PPT2: variants seen among roughly 807,000 people sequenced by gnomAD.
The protein encoded by PPT2 is palmitoyl-protein thioesterase 2.
In PPT2, 20 loss-of-function variants were observed where a neutral mutation model predicts 37.3. That is an observed-to-expected ratio of 0.54 (90% CI 0.38 to 0.78). The LOEUF is 0.78. PPT2 is among the 30% of genes least tolerant of loss of function. The pLI, the probability that PPT2 is intolerant of heterozygous loss-of-function variation, is 0.00. For missense variants in PPT2, 270 were observed against 389.8 expected, an observed-to-expected ratio of 0.69 and a Z score of 2.59; for synonymous variants, 135 against 159.1, an observed-to-expected ratio of 0.85 and a Z score of 1.14.
rs770262365 is a variant in PPT2 at position 32,162,545 on chromosome 6, C to T, written c.711-23C>T. 8.8e-6 allele frequency: 14 copies of T among 1,596,494 alleles called. No homozygotes were observed. The Admixed American group carries it at 1.8e-4, about 21-fold the overall frequency. ...AGATTTTCTCCAGCTCTTCTGATAA[C>T]CTCCCCCCAAATCTCTTTGTAGCTT... On this transcript the variant is annotated intron_variant, in intron 7 of 8. Coordinates refer to ENST00000324816, the MANE Select transcript of PPT2 (RefSeq NM_005155.7). The surrounding 1 kb of genome is among the most constrained non-coding windows in gnomAD (Gnocchi z 5.5).
rs1051269666 is a variant in PPT2, at chr6:32,161,237, T to A, written c.711-1331T>A. On this transcript the variant is annotated intron_variant, in intron 7 of 8. Transcript: ENST00000324816. ...ACAGAAAAAAATATACAGTGGAAGA[T>A]CCAAATCAGGATCTTGAGTTGCATG... is the stretch of plus-strand genomic sequence containing the variant. 1.6e-4 allele frequency among the ~76,000 whole-genome samples: 24 copies of A among 152,280 alleles called. 1 individual carries two copies. The highest frequency in any genetic ancestry group is 1.6e-3 in the Admixed American group (24 of 15,282).
In PPT2 at chr6:32,162,038, G is replaced by C. The variant is rs1364178559; in HGVS notation, c.711-530G>C. ...CGGCCAGTAATGCATTTTTGATGGG[G>C]TTTCTACAGAAGTGAGGTCGTATCT... On this transcript the variant is annotated intron_variant, in intron 7 of 8. Transcript: ENST00000324816. The surrounding 1 kb of genome is among the most constrained non-coding windows in gnomAD (Gnocchi z 5.5). 1.3e-5 allele frequency among the ~76,000 whole-genome samples: 2 copies of C among 152,054 alleles called. No homozygotes were observed. Among genetic ancestry groups the C allele is most frequent in the African/African-American group, 4.8e-5 (2 of 41,380 alleles).
chr6:32,162,553 C>A lies in PPT2; in HGVS notation c.711-15C>A, dbSNP rs184940782. ...TCCAGCTCTTCTGATAACCTCCCCC[C>A]AAATCTCTTTGTAGCTTCTTTGGTT... On this transcript the variant is annotated splice_polypyrimidine_tract_variant and intron_variant, in intron 7 of 8. Coordinates refer to ENST00000324816, the MANE Select transcript of PPT2 (RefSeq NM_005155.7). This position sits in a 1 kb window ranked among gnomAD's most constrained non-coding sequence, Gnocchi z 5.5. The A allele has an allele frequency of 1.6e-4, 264 of 1,604,350 alleles. No homozygotes were observed. In the Middle Eastern group the frequency reaches 1.7e-3, roughly 10 times the overall value.
chr6:32,153,910 G>A, upstream of PPT2: 1 of 1,324,004 alleles, frequency 7.6e-7, no homozygotes, highest in Non-Finnish European at 9.9e-7. The surrounding 1 kb of genome is among the most constrained non-coding windows in gnomAD (Gnocchi z 4.4). Flanking sequence ...GAAGCCTGGA[G>A]AGGCCTTCTT....
rs1783700040 is a variant in PPT2, at chr6:32,155,404, A to G, written c.337+221A>G. Among the ~76,000 whole-genome samples the G allele has an allele frequency of 6.6e-6, 1 of 152,010 alleles. No homozygotes were observed. Reference sequence around the variant, plus strand: ...GCTGCCCTTTTGCTTCCTGTTACCCATGGTTCTTGGACATAAGGGCTAATG... The same window carrying G: ...GCTGCCCTTTTGCTTCCTGTTACCCGTGGTTCTTGGACATAAGGGCTAATG... On this transcript the variant is annotated intron_variant, in intron 3 of 8. Coordinates refer to ENST00000324816, the MANE Select transcript of PPT2 (RefSeq NM_005155.7). The surrounding 1 kb of genome is among the most constrained non-coding windows in gnomAD (Gnocchi z 4.3).
Position 32,155,147 on chromosome 6 carries a change from G to T in PPT2, c.301G>T (p.Ala101Ser). The change falls in exon 3 of 9, where the codon GCC becomes TCC. Residue 101 changes from alanine to serine, a missense_variant. Coordinates refer to ENST00000324816, the MANE Select transcript of PPT2 (RefSeq NM_005155.7). This position sits in a 1 kb window ranked among gnomAD's most constrained non-coding sequence, Gnocchi z 4.3. The stretch of plus-strand genomic sequence containing the variant: ...GGCTGTGGTCCCCATCATGGCAAAG[G>T]CCCCTCAAGGGGTGCATCTCATCTG... Reference protein sequence around the residue: ...REAVVPIMAKAPQGVHLICYS... With the variant: ...REAVVPIMAKSPQGVHLICYS... 1 of 1,613,058 alleles carries T rather than the reference G, an allele frequency of 6.2e-7. No homozygotes were observed. Among genetic ancestry groups the T allele is most frequent in the Non-Finnish European group, 8.5e-7 (1 of 1,179,986 alleles).
intron 7 of PPT2, among the ~76,000 whole-genome samples, chr6:32,161,358 C>T (rs887183476): frequency 6.6e-6 from 1 of 152,074 alleles, no homozygotes; most frequent in African/African-American, 2.4e-5. Flanking sequence ...TGGCAAATCT[C>T]GGCCCACTGC....
Position 32,155,294 on chromosome 6 carries a change from C to A in PPT2, c.337+111C>A. ...TGAACCACATTGCTCCAGGCACAAC[C>A]CTGGTACCTGAGCCCTTCCTTTCTG... On this transcript the variant is annotated intron_variant, in intron 3 of 8. Transcript: ENST00000324816. The surrounding 1 kb of genome is among the most constrained non-coding windows in gnomAD (Gnocchi z 4.3). The A allele has an allele frequency of 7.8e-7, 1 of 1,277,814 alleles. No individual in the cohort carries two copies. The highest frequency in any genetic ancestry group is 1.1e-6 in the Non-Finnish European group (1 of 915,250). The allele number at this position is 1,277,814 out of a possible 1,614,324, so 79.2% of individuals were successfully genotyped here.
Position 32,155,631 on chromosome 6 carries a change from G to T in PPT2, c.338-57G>T. 1 of 1,224,388 alleles carries T rather than the reference G, an allele frequency of 8.2e-7. No homozygotes were observed. The highest frequency in any genetic ancestry group is 1.2e-6 in the Non-Finnish European group (1 of 830,562). 75.8% of individuals were successfully genotyped at this position (1,224,388 alleles called of 1,614,324 possible). ...GTGTGTGTGTGTGGTGGGGGTGGGGGGTGCTGCTGGCTTTGCTGTCCTTAA... is the reference window on the plus strand; with the variant it reads ...GTGTGTGTGTGTGGTGGGGGTGGGGTGTGCTGCTGGCTTTGCTGTCCTTAA... On this transcript the variant is annotated intron_variant, in intron 3 of 8. Coordinates refer to ENST00000324816, the MANE Select transcript of PPT2 (RefSeq NM_005155.7). The surrounding 1 kb of genome is among the most constrained non-coding windows in gnomAD (Gnocchi z 4.3).
chr6:32,158,871 T>C (rs1281510884), intron 7 of PPT2, among the ~76,000 whole-genome samples: 1 of 152,096 alleles, frequency 6.6e-6, no homozygotes, highest in African/African-American at 2.4e-5. Context: ...GCATGGCTAG[T>C]GCACAAGGAG....
rs1253330249 is a variant in PPT2, at chr6:32,155,612, G to A, written c.338-76G>A. 8.6e-6 allele frequency: 8 copies of A among 931,438 alleles called. No individual in the cohort carries two copies. The highest frequency in any genetic ancestry group is 1.2e-5 in the Non-Finnish European group (7 of 569,532). 57.7% of individuals were successfully genotyped at this position (931,438 alleles called of 1,614,324 possible). ...TGTGTGTGTGTGTGTGTGTGTGTGT[G>A]TGTGTGGTGGGGGTGGGGGGTGCTG... On this transcript the variant is annotated intron_variant, in intron 3 of 8. Transcript: ENST00000324816. This position sits in a 1 kb window ranked among gnomAD's most constrained non-coding sequence, Gnocchi z 4.3.
rs1783791810 is a variant in PPT2, at chr6:32,156,154, T to C, written c.541+176T>C. Among the ~76,000 whole-genome samples, 1 of 152,096 alleles carries C rather than the reference T, an allele frequency of 6.6e-6. No individual in the cohort carries two copies. Among genetic ancestry groups the C allele is most frequent in the Non-Finnish European group, 1.5e-5 (1 of 68,000 alleles). ...CGGAGTCTTGTTCTGTTGCCCAGGC[T>C]GGAGTGCAGTGCACCATCTTGGCTC... On this transcript the variant is annotated intron_variant, in intron 5 of 8. Transcript: ENST00000324816. The surrounding 1 kb of genome is among the most constrained non-coding windows in gnomAD (Gnocchi z 4.9).
At chr6:32,159,541 G>C (rs1294645855) in intron 7 of PPT2, among the ~76,000 whole-genome samples, 1 of 148,882 alleles carries the variant, frequency 6.7e-6, no homozygotes, top group Non-Finnish European at 1.5e-5. Flanking sequence ...TTCTGAGTGA[G>C]ATGGGAAGGC....
At chr6:32,161,576 A>C (rs1784158706) in intron 7 of PPT2, among the ~76,000 whole-genome samples, 1 of 136,174 alleles carries the variant, frequency 7.3e-6, no homozygotes, top group Non-Finnish European at 1.5e-5. Flanking sequence ...GGCATGAGCC[A>C]CCACACCTGG....
In PPT2 at chr6:32,162,266, C is replaced by T. The variant is rs1313356886; in HGVS notation, c.711-302C>T. Among the ~76,000 whole-genome samples, 1 of 152,142 alleles carries T rather than the reference C, an allele frequency of 6.6e-6. No individual in the cohort carries two copies. The highest frequency in any genetic ancestry group is 1.5e-5 in the Non-Finnish European group (1 of 68,030). On this transcript the variant is annotated intron_variant, in intron 7 of 8. Transcript: ENST00000324816. The surrounding 1 kb of genome is among the most constrained non-coding windows in gnomAD (Gnocchi z 5.5). ...ATGGGGTCCCGCTCTGTCACCCAGG[C>T]TGAAGTGCAGTGGTGCGATCTCGAC...
chr6:32,157,568 T>C (rs1783877238), intron 5 of PPT2, 69 bp from the exon 6 acceptor site: 1 of 1,314,186 alleles, frequency 7.6e-7, no homozygotes, highest in East Asian at 2.3e-5. Flanking sequence ...GCAGCTTCCT[T>C]ATTGGGCTTT....
Position 32,154,272 on chromosome 6 carries a change from C to A in PPT2, c.-141C>A, listed in dbSNP as rs1232099829. 1.5e-5 allele frequency: 20 copies of A among 1,311,744 alleles called. No homozygotes were observed. The highest frequency in any genetic ancestry group is 1.8e-5 in the Non-Finnish European group (19 of 1,031,846). 81.3% of individuals were successfully genotyped at this position (1,311,744 alleles called of 1,614,324 possible). A position where few individuals can be genotyped will look rare whatever the true frequency, so the allele number is the denominator to read the frequency against. On this transcript the variant is annotated 5_prime_UTR_variant, in exon 1 of 9. Coordinates refer to ENST00000324816, the MANE Select transcript of PPT2 (RefSeq NM_005155.7). The surrounding 1 kb of genome is among the most constrained non-coding windows in gnomAD (Gnocchi z 7.3). ...GTGGGAGTCTGCACTCTTCAAGGGG[C>A]CTGGGCTGCTGCTCACGGGTATTAA... is the stretch of plus-strand genomic sequence containing the variant.
At position 32,162,868 on chromosome 6, in the gene PPT2, G is replaced by A; in HGVS notation, c.827G>A (p.Cys276Tyr). 6.2e-7 allele frequency: 1 copy of A among 1,613,480 alleles called. No homozygotes were observed. Among genetic ancestry groups the A allele is most frequent in the Non-Finnish European group, 8.5e-7 (1 of 1,179,412 alleles). The change falls in exon 9 of 9, where the codon TGT (cysteine) becomes TAT (tyrosine). Residue 276 changes from cysteine (C) to tyrosine (Y), a missense_variant. Coordinates refer to ENST00000324816, the MANE Select transcript of PPT2 (RefSeq NM_005155.7). This position sits in a 1 kb window ranked among gnomAD's most constrained non-coding sequence, Gnocchi z 5.5. The part of the protein sequence containing the change: ...TLLARGAIVR[C>Y]PMAGISHTAW... Reference sequence around the variant, plus strand: ...TTGGCCCGGGGGGCCATAGTGAGGTGTCCAATGGCCGGTATCTCCCACACA... The same window carrying A: ...TTGGCCCGGGGGGCCATAGTGAGGTATCCAATGGCCGGTATCTCCCACACA...
chr6:32,153,792 C>T (rs1046677944), upstream of PPT2: 3 of 1,099,814 alleles, frequency 2.7e-6, no homozygotes, highest in Admixed American at 8.9e-5. The surrounding 1 kb of genome is among the most constrained non-coding windows in gnomAD (Gnocchi z 4.4). Flanking sequence ...CCCTGGCCGC[C>T]CCTTGGGGAA....
Sources: gnomAD v4.1 joint callset for allele counts (sites outside exome capture counted in the v4.1 genomes callset) on GRCh38, gnomAD v4.1.1 for gene constraint, Gnocchi (gnomAD v3.1) non-coding constraint, MANE v1.5 for transcripts, NCBI Gene and HGNC (gene_info 2026-07-23, HGNC 2026-07-21) for gene names.